The following ZNF362 variants were observed in gnomAD, a reference collection of about 807,000 sequenced individuals.
The protein encoded by ZNF362 is rotund homolog.
In ZNF362, 11 loss-of-function variants were observed where a neutral mutation model predicts 42.9. The ratio of observed to expected loss-of-function variants is 0.26; its 90% CI spans 0.16 to 0.42. The LOEUF is 0.42. ZNF362 is among the 20% of genes least tolerant of loss of function. The pLI is 1.00. For missense variants in ZNF362, 362 were observed against 576.2 expected (o/e 0.63, Z 3.81); for synonymous variants, 255 against 257.3 (o/e 0.99, Z 0.09).
chr1:33,139,160 C>G, the ZNF362 span, among the ~76,000 whole-genome samples: 7 of 152,290 alleles, frequency 4.6e-5, no homozygotes, highest in South Asian at 1.5e-3. Context: ...TTCCTAGTCT[C>G]TGCCTCTTTT....
the ZNF362 span, among the ~76,000 whole-genome samples, chr1:33,136,162 CCTTCCTTCCT>C: frequency 4.7e-5 from 7 of 149,206 alleles, no homozygotes; most frequent in Admixed American, 2.0e-4. Flanking sequence ...TTCCTTCCTT[CCTTCCTTCCT>C]TCCCTCCCTC....
intron 7 of ZNF362, 30 bp from the exon 8 acceptor site, chr1:33,295,117 C>A (rs200383966): frequency 6.3e-5 from 102 of 1,613,520 alleles, no homozygotes; most frequent in Middle Eastern, 3.3e-4. Flanking sequence ...AGCCCTGTTC[C>A]TCTCCTGACC....
At chr1:33,245,824 T>C in the ZNF362 span, among the ~76,000 whole-genome samples, 1 of 152,276 alleles carries the variant, frequency 6.6e-6, no homozygotes, top group Admixed American at 6.5e-5. Flanking sequence ...CCTGTAGTCC[T>C]AGCTATTCAG....
the ZNF362 span, among the ~76,000 whole-genome samples, chr1:33,227,066 G>A: frequency 2.0e-5 from 3 of 152,062 alleles, no homozygotes; most frequent in Admixed American, 2.0e-4. Flanking sequence ...TAGGGTACAA[G>A]GTTTCTTTTT....
the ZNF362 span, among the ~76,000 whole-genome samples, chr1:33,139,430 G>A: frequency 6.6e-6 from 1 of 152,326 alleles, no homozygotes; most frequent in East Asian, 1.9e-4. Flanking sequence ...AGTGGCAGTG[G>A]GAGACCCAGA....
the ZNF362 span, among the ~76,000 whole-genome samples, chr1:33,206,699 C>T: frequency 1.3e-5 from 2 of 152,102 alleles, no homozygotes; most frequent in Non-Finnish European, 2.9e-5. Context: ...TGATAAAGGA[C>T]TTGTAACTAG....
intron 3 of ZNF362, 27 bp downstream of exon 3, chr1:33,276,190 G>T: frequency 6.2e-7 from 1 of 1,611,396 alleles, no homozygotes. Flanking sequence ...CCCTCCGGCT[G>T]CCCTACCCTC....
the ZNF362 span, among the ~76,000 whole-genome samples, chr1:33,240,712 C>T: frequency 6.6e-6 from 1 of 152,140 alleles, no homozygotes; most frequent in Admixed American, 6.5e-5. Flanking sequence ...ACCTCCAACC[C>T]GTCATATCCC....
the ZNF362 span, among the ~76,000 whole-genome samples, chr1:33,223,119 C>T: frequency 1.9e-4 from 29 of 152,156 alleles, no homozygotes; most frequent in South Asian, 8.3e-4. Flanking sequence ...GGTGTTGTGG[C>T]GTGTGCCTGT....
the ZNF362 span, among the ~76,000 whole-genome samples, chr1:33,174,253 C>G: frequency 6.6e-6 from 1 of 151,878 alleles, no homozygotes. Context: ...ACCATCACAG[C>G]TCACTGCAGT....
intron 1 of ZNF362, chr1:33,261,306 T>C (rs1305745888): frequency 1.3e-5 from 2 of 152,214 alleles, no homozygotes; most frequent in African/African-American, 4.8e-5. Context: ...GTCAGAAAGT[T>C]CTCATTGCTA....
the ZNF362 span, among the ~76,000 whole-genome samples, chr1:33,199,590 A>T: frequency 6.6e-6 from 1 of 152,252 alleles, no homozygotes; most frequent in Non-Finnish European, 1.5e-5. Context: ...AAAGAAATGA[A>T]AAGTACTGGA....
At chr1:33,293,483 C>T (rs1646094551) in intron 6 of ZNF362, among the ~76,000 whole-genome samples, 1 of 152,174 alleles carries the variant, frequency 6.6e-6, no homozygotes, top group South Asian at 2.1e-4. Context: ...AAGTCTAACA[C>T]TGGGCCTGGC....
chr1:33,183,764 A>G, the ZNF362 span, among the ~76,000 whole-genome samples: 10 of 152,320 alleles, frequency 6.6e-5, no homozygotes, highest in African/African-American at 2.4e-4. Flanking sequence ...TGGAATTGCA[A>G]CAGCCATCTT....
At chr1:33,221,541 C>T in the ZNF362 span, among the ~76,000 whole-genome samples, 1 of 152,232 alleles carries the variant, frequency 6.6e-6, no homozygotes, top group Non-Finnish European at 1.5e-5. Flanking sequence ...CCAGGCATTT[C>T]TCATCAAGAT....
chr1:33,141,920 A>G, the ZNF362 span: 1 of 153,876 alleles, frequency 6.5e-6, no homozygotes, highest in African/African-American at 2.4e-5. Flanking sequence ...AAACAAAGAA[A>G]AATGAACACA....
chr1:33,250,185 C>T, the ZNF362 span, among the ~76,000 whole-genome samples: 1 of 152,180 alleles, frequency 6.6e-6, no homozygotes, highest in Non-Finnish European at 1.5e-5. Context: ...AGGCCTGGCC[C>T]CAAGATGTAG....
chr1:33,287,503 C>G (rs1646041548), intron 6 of ZNF362, among the ~76,000 whole-genome samples: 1 of 152,134 alleles, frequency 6.6e-6, no homozygotes, highest in African/African-American at 2.4e-5. Context: ...AACAAACAAA[C>G]CAACCATTGT....
the ZNF362 span, among the ~76,000 whole-genome samples, chr1:33,205,896 A>G: frequency 6.6e-6 from 1 of 152,130 alleles, no homozygotes; most frequent in Non-Finnish European, 1.5e-5. Context: ...ATACTGGGCG[A>G]CAGAGCAAGA....
Sources: allele counts gnomAD v4.1 joint callset (sites outside exome capture counted in the v4.1 genomes callset), GRCh38; gene constraint gnomAD v4.1.1; transcripts MANE v1.5; gene names NCBI Gene and HGNC (gene_info 2026-07-23, HGNC 2026-07-21).